PDE1A: variants seen among roughly 807,000 people sequenced by gnomAD.
PDE1A encodes dual specificity calcium/calmodulin-dependent 3',5'-cyclic nucleotide phosphodiesterase 1A.
A neutral mutation model predicts 61.7 loss-of-function variants in PDE1A; 35 were observed. The ratio of observed to expected loss-of-function variants is 0.57; its 90% CI spans 0.43 to 0.75. PDE1A has a LOEUF of 0.75. PDE1A is among the 30% of genes least tolerant of loss of function. The pLI, the probability that PDE1A is intolerant of heterozygous loss-of-function variation, is 0.00. For synonymous variants in PDE1A, 232 were observed against 213.2 expected, an observed-to-expected ratio of 1.09 and a Z score of -0.77; for missense variants, 597 against 630.6, an observed-to-expected ratio of 0.95 and a Z score of 0.57.
intron 13 of PDE1A, among the ~76,000 whole-genome samples, chr2:182,158,381 T>A (rs1265300640): frequency 2.6e-5 from 4 of 152,196 alleles, no homozygotes; most frequent in Non-Finnish European, 5.9e-5. Context: ...TTGTTATCTC[T>A]ACATCAAATT....
At chr2:182,415,996 A>G (rs1313944302) in intron 1 of PDE1A, among the ~76,000 whole-genome samples, 1 of 152,180 alleles carries the variant, frequency 6.6e-6, no homozygotes, top group Non-Finnish European at 1.5e-5. Context: ...ATGGCAAGCC[A>G]CACTTAATCT....
At chr2:182,641,026 A>AAAAAAAAAAAAAG in the PDE1A span, among the ~76,000 whole-genome samples, 1 of 150,528 alleles carries the variant, frequency 6.6e-6, no homozygotes, top group Non-Finnish European at 1.5e-5. Context: ...TCTCAAAAAA[A>AAAAAAAAAAAAAG]AAAAGAAGAA....
At chr2:182,208,028 C>A (rs1428515327) in intron 7 of PDE1A, among the ~76,000 whole-genome samples, 1 of 152,192 alleles carries the variant, frequency 6.6e-6, no homozygotes, top group Non-Finnish European at 1.5e-5. Flanking sequence ...ATGGAAATGC[C>A]TGAATATCCA....
At chr2:182,224,374 GA>G (rs1002507606) in intron 6 of PDE1A, among the ~76,000 whole-genome samples, 5 of 151,506 alleles carry the variant, frequency 3.3e-5, no homozygotes, top group Admixed American at 6.6e-5. Context: ...AATCTACTAT[GA>G]AAAAAAATTT....
At chr2:182,397,282 C>T (rs924912909) in intron 1 of PDE1A, among the ~76,000 whole-genome samples, 1 of 151,978 alleles carries the variant, frequency 6.6e-6, no homozygotes, top group Non-Finnish European at 1.5e-5. Context: ...AATGGGCTGG[C>T]TATTATTATA....
chr2:182,552,276 A>C, the PDE1A span, among the ~76,000 whole-genome samples: 1 of 152,200 alleles, frequency 6.6e-6, no homozygotes, highest in Non-Finnish European at 1.5e-5. Context: ...AATAGATTCT[A>C]AAGAAAGCAT....
chr2:182,652,534 T>A, the PDE1A span, among the ~76,000 whole-genome samples: 1 of 151,958 alleles, frequency 6.6e-6, no homozygotes, highest in African/African-American at 2.4e-5. Flanking sequence ...AAAACATGCA[T>A]GGAACTATCC....
chr2:182,364,486 A>AAAAAAAAC (rs1699715838), intron 1 of PDE1A, among the ~76,000 whole-genome samples: 2 of 147,228 alleles, frequency 1.4e-5, no homozygotes, highest in Non-Finnish European at 3.0e-5. Context: ...AAAAAAAAAA[A>AAAAAAAAC]AAAAAAAAAA....
chr2:182,223,904 C>T (rs1168162989), exon 7 of PDE1A: 1 of 1,602,836 alleles, frequency 6.2e-7, no homozygotes, highest in Non-Finnish European at 8.5e-7. Context: ...CCTGTATGCT[C>T]ATAATCATGA....
intron 1 of PDE1A, among the ~76,000 whole-genome samples, chr2:182,274,885 A>G (rs1055126299): frequency 1.3e-5 from 2 of 152,100 alleles, no homozygotes; most frequent in African/African-American, 4.8e-5. Flanking sequence ...GAAGCATTAT[A>G]TTGACATTGA....
intron 10 of PDE1A, among the ~76,000 whole-genome samples, chr2:182,197,171 A>C (rs544219942): frequency 6.6e-6 from 1 of 151,844 alleles, no homozygotes; most frequent in East Asian, 1.9e-4. Context: ...TTCTTTGATA[A>C]GTAAAGAAAA....
At chr2:182,211,052 C>G (rs1687550329) in intron 7 of PDE1A, among the ~76,000 whole-genome samples, 1 of 152,186 alleles carries the variant, frequency 6.6e-6, no homozygotes, top group Admixed American at 6.5e-5. Flanking sequence ...AGCAAACCCT[C>G]TCTGGCAAGC....
chr2:182,356,428 T>C (rs1023630413), intron 1 of PDE1A, among the ~76,000 whole-genome samples: 1 of 152,214 alleles, frequency 6.6e-6, no homozygotes, highest in African/African-American at 2.4e-5. Context: ...TAATTATTAA[T>C]GTATTAATAT....
At chr2:182,369,900 C>T (rs899460918) in intron 1 of PDE1A, among the ~76,000 whole-genome samples, 5 of 152,124 alleles carry the variant, frequency 3.3e-5, no homozygotes, top group South Asian at 2.1e-4. Context: ...ATTGGCTGGG[C>T]GCAGTGGCTC....
chr2:182,683,792 T>C, the PDE1A span, among the ~76,000 whole-genome samples: 1 of 152,190 alleles, frequency 6.6e-6, no homozygotes, highest in Non-Finnish European at 1.5e-5. Flanking sequence ...CAGCATCTAT[T>C]GGTAAGGCTT....
At chr2:182,231,196 A>AAAGAT (rs1477110946) in intron 4 of PDE1A, 65 bp from the exon 5 acceptor site, 1 of 836,734 alleles carries the variant, frequency 1.2e-6, no homozygotes, top group African/African-American at 1.7e-5. Flanking sequence ...AATTTATTCA[A>AAAGAT]AAGATAAGGC....
chr2:182,521,067 C>T (rs1390526229), intron 2 of PDE1A, among the ~76,000 whole-genome samples: 2 of 151,972 alleles, frequency 1.3e-5, no homozygotes, highest in African/African-American at 4.8e-5. Flanking sequence ...TGTGCTCTTA[C>T]ACTAATGCAC....
chr2:182,703,726 C>G, the PDE1A span, among the ~76,000 whole-genome samples: 5 of 152,104 alleles, frequency 3.3e-5, no homozygotes, highest in South Asian at 2.1e-4. Flanking sequence ...GTCTCCTCAT[C>G]CATGAAATGG....
At chr2:182,473,539 T>C (rs1047912339) in intron 2 of PDE1A, among the ~76,000 whole-genome samples, 3 of 151,896 alleles carry the variant, frequency 2.0e-5, no homozygotes, top group South Asian at 2.1e-4. Context: ...GTTTGTTACA[T>C]AGGTAAACGT....
Sources: allele counts gnomAD v4.1 joint callset (sites outside exome capture counted in the v4.1 genomes callset), GRCh38; gene constraint gnomAD v4.1.1; transcripts MANE v1.5; gene names NCBI Gene and HGNC (gene_info 2026-07-23, HGNC 2026-07-21).